The following KCMF1 variants were observed in gnomAD, a reference collection of about 807,000 sequenced individuals.
KCMF1 encodes the protein potassium channel modulatory factor 1.
In KCMF1, 3 loss-of-function variants were observed where a neutral mutation model predicts 41.1. That is an observed-to-expected ratio of 0.07 (90% confidence interval 0.03 to 0.19). KCMF1 has a LOEUF of 0.19. Ranked by LOEUF, KCMF1 falls within the 10% of genes least tolerant of loss-of-function variation. The probability of loss-of-function intolerance (pLI) is 1.00; values close to 1 mark genes in which losing one functional copy is unlikely to be tolerated. For missense variants in KCMF1, 286 were observed against 488.9 expected (o/e 0.58, Z 3.91); for synonymous variants, 142 against 164.5 (o/e 0.86, Z 1.04).
Position 85,047,552 on chromosome 2 carries a change from A to G in KCMF1, c.601+1274A>G, listed in dbSNP as rs1490945367. Reference sequence around the variant, plus strand: ...CTTGATTTGAGAACTATATTGTTGTAGAACATACTGAAAGGTACATGTTTA... The same window carrying G: ...CTTGATTTGAGAACTATATTGTTGTGGAACATACTGAAAGGTACATGTTTA... On this transcript the variant is annotated intron_variant, in intron 5 of 6. Transcript: ENST00000409785. Among the ~76,000 whole-genome samples, 7 of 151,908 alleles carry G rather than the reference A, an allele frequency of 4.6e-5. No individual in the cohort carries two copies. In the South Asian group the frequency reaches 1.0e-3, roughly 23 times the overall value.
At chr2:85,025,171 C>T (rs1675061223) in intron 1 of KCMF1, among the ~76,000 whole-genome samples, 1 of 152,114 alleles carries the variant, frequency 6.6e-6, no homozygotes. Flanking sequence ...ATTGAATCCA[C>T]AAATCTGTTG....
intron 1 of KCMF1, among the ~76,000 whole-genome samples, chr2:84,988,356 A>G (rs763793693): frequency 2.0e-5 from 3 of 152,244 alleles, no homozygotes; most frequent in Admixed American, 6.5e-5. Context: ...AATACTTACT[A>G]TGTGCCAGGC....
chr2:85,021,998 G>A (rs1674956830), intron 1 of KCMF1, among the ~76,000 whole-genome samples: 1 of 151,960 alleles, frequency 6.6e-6, no homozygotes. Flanking sequence ...TGTATTTTTA[G>A]TAGAGATGGG....
rs754749988 is a variant in KCMF1, at chr2:85,046,130, A to T, written c.453A>T (p.Val151=). ...ATGAATCGAGTGGTGTTCGACATGTACGTAGAATGTTTCACCCTGGCCGGG... is the reference window on the plus strand; with the variant it reads ...ATGAATCGAGTGGTGTTCGACATGTTCGTAGAATGTTTCACCCTGGCCGGG... The part of the protein sequence containing the change: ...DLDESSGVRH[V]RRMFHPGRGL... Residue 151 remains valine (V), a synonymous_variant, in exon 5 of 7, where the codon GTA becomes GTT. Transcript: ENST00000409785. 1.1e-5 allele frequency: 18 copies of T among 1,613,558 alleles called. No individual in the cohort carries two copies. The highest frequency in any genetic ancestry group is 1.5e-5 in the Non-Finnish European group (18 of 1,179,786).
intron 1 of KCMF1, 76 bp downstream of exon 1, chr2:84,971,543 C>A: frequency 1.2e-6 from 1 of 865,280 alleles, no homozygotes; most frequent in Non-Finnish European, 1.5e-6. Flanking sequence ...CGGCGGAGGG[C>A]GGCCGGGAAG....
chr2:85,025,360 G>C (rs921113858), intron 1 of KCMF1, among the ~76,000 whole-genome samples: 3 of 152,028 alleles, frequency 2.0e-5, no homozygotes, highest in Non-Finnish European at 4.4e-5. Context: ...TTTTATTGCA[G>C]TAAAATATAC....
At chr2:85,000,992 CTTTTT>C (rs1374491205) in intron 1 of KCMF1, among the ~76,000 whole-genome samples, 13 of 148,140 alleles carry the variant, frequency 8.8e-5, no homozygotes, top group Admixed American at 4.0e-4. Context: ...CTTTTTTTTT[CTTTTT>C]TGTCTTTTTT....
At chr2:85,002,858 C>CTATATACTA (rs966479629) in intron 1 of KCMF1, among the ~76,000 whole-genome samples, 2 of 152,090 alleles carry the variant, frequency 1.3e-5, no homozygotes, top group Admixed American at 1.3e-4. Context: ...GCCATTCTGT[C>CTATATACTA]TATATACTAT....
chr2:84,971,525 G>A, intron 1 of KCMF1, 58 bp downstream of exon 1: 1 of 1,038,674 alleles, frequency 9.6e-7, no homozygotes, highest in Non-Finnish European at 1.2e-6. Flanking sequence ...CCCCGCCCGG[G>A]CCGGGCGCGG....
chr2:85,022,234 G>A (rs1674964153), intron 1 of KCMF1, among the ~76,000 whole-genome samples: 1 of 152,108 alleles, frequency 6.6e-6, no homozygotes, highest in Admixed American at 6.5e-5. Context: ...TGCTTTGGGA[G>A]GCTGACACAG....
chr2:84,981,191 ATT>A (rs375286197), intron 1 of KCMF1, among the ~76,000 whole-genome samples: 7 of 143,498 alleles, frequency 4.9e-5, no homozygotes, highest in Admixed American at 7.0e-5. Flanking sequence ...CTTCTGTTGA[ATT>A]TTTTTTTTTT....
chr2:85,051,021 A>T (rs573852511), intron 6 of KCMF1, among the ~76,000 whole-genome samples: 2 of 152,360 alleles, frequency 1.3e-5, no homozygotes, highest in African/African-American at 4.8e-5. Context: ...TTTGAGGATT[A>T]AATGGAATAC....
intron 1 of KCMF1, among the ~76,000 whole-genome samples, chr2:85,005,325 G>C (rs1574018902): frequency 6.7e-6 from 1 of 150,308 alleles, no homozygotes; most frequent in East Asian, 2.0e-4. Flanking sequence ...GTCTCACACT[G>C]TCTCCCAGGC....
At chr2:85,011,413 G>T (rs1275693919) in intron 1 of KCMF1, among the ~76,000 whole-genome samples, 2 of 152,154 alleles carry the variant, frequency 1.3e-5, no homozygotes, top group African/African-American at 4.8e-5. Flanking sequence ...TGTACTTATT[G>T]TATCACTGCT....
chr2:85,046,176 C>G lies in KCMF1; in HGVS notation c.499C>G (p.Arg167Gly). 1 of 1,613,258 alleles carries G rather than the reference C, an allele frequency of 6.2e-7. No individual in the cohort carries two copies. The highest frequency in any genetic ancestry group is 8.5e-7 in the Non-Finnish European group (1 of 1,179,498). Residue 167 changes from arginine to glycine, a missense_variant, in exon 5 of 7, where the codon CGT (arginine) becomes GGT (glycine). By Grantham distance (125) the Arg-to-Gly change is moderately radical. Around this residue, in one of 2 missense-constraint regions of KCMF1, gnomAD observed 191 missense variants for 279.3 expected, o/e 0.68. Coordinates refer to ENST00000409785, the MANE Select transcript of KCMF1 (RefSeq NM_020122.5). The part of the protein sequence containing the change: ...PGRGLGGPRA[R>G]RSNMHFTSSS... ...CCGGGGATTAGGAGGTCCTCGTGCT[C>G]GTAGATCAAACATGCACTTTACTAG...
rs1050318843 is a variant in KCMF1 at position 85,058,034 on chromosome 2, CTT to C, written c.*4627_*4628del. On this transcript the variant is annotated 3_prime_UTR_variant, in exon 7 of 7. Transcript: ENST00000409785. ...CCTTAAGTCTGACTGTCCCAGGTAACTTTACTTGCTGTACAGATAGTGCACAG... is the reference window on the plus strand; with the variant it reads ...CCTTAAGTCTGACTGTCCCAGGTAACTACTTGCTGTACAGATAGTGCACAG... 8 of 152,252 alleles carry C rather than the reference CTT, an allele frequency of 5.3e-5. No individual in the cohort carries two copies. Among genetic ancestry groups the C allele is most frequent in the African/African-American group, 1.9e-4 (8 of 41,458 alleles). 9.4% of individuals were successfully genotyped at this position (152,252 alleles called of 1,614,324 possible). A position where few individuals can be genotyped will look rare whatever the true frequency, so the allele number is the denominator to read the frequency against.
intron 1 of KCMF1, among the ~76,000 whole-genome samples, chr2:84,989,069 G>A (rs1313331504): frequency 2.6e-5 from 4 of 152,006 alleles, no homozygotes; most frequent in Non-Finnish European, 5.9e-5. Context: ...ACCAGATAGG[G>A]GACCAGATTT....
chr2:85,029,533 A>G (rs1365262139), intron 2 of KCMF1, among the ~76,000 whole-genome samples: 2 of 151,794 alleles, frequency 1.3e-5, no homozygotes, highest in Non-Finnish European at 2.9e-5. Flanking sequence ...CAGGAGGTCA[A>G]GTGTGCAGTG....
intron 1 of KCMF1, among the ~76,000 whole-genome samples, chr2:84,998,233 A>C (rs1674223977): frequency 6.6e-6 from 1 of 151,840 alleles, no homozygotes; most frequent in African/African-American, 2.4e-5. Flanking sequence ...CTGGGATTAC[A>C]GGTGCACGCC....
Sources: gnomAD v4.1 joint callset for allele counts (sites outside exome capture counted in the v4.1 genomes callset) on GRCh38, gnomAD v4.1.1 for gene constraint, gnomAD v4.1.1 regional missense constraint, MANE v1.5 for transcripts, NCBI Gene and HGNC (gene_info 2026-07-23, HGNC 2026-07-21) for gene names.